The following DOCK5 variants were observed in gnomAD, a reference collection of about 807,000 sequenced individuals.
DOCK5 encodes the protein dedicator of cytokinesis protein 5.
A neutral mutation model predicts 251.8 loss-of-function variants in DOCK5; 142 were observed. That is an observed-to-expected ratio of 0.56 (90% CI 0.49 to 0.65). The LOEUF (loss-of-function observed/expected upper bound fraction) is 0.65. DOCK5 is among the 30% of genes least tolerant of loss of function. DOCK5 has a pLI of 0.00. For synonymous variants in DOCK5, 842 were observed against 835.5 expected (o/e 1.01, Z -0.13); for missense variants, 2,111 against 2,312.3 (o/e 0.91, Z 1.79).
Position 25,389,033 on chromosome 8 carries a change from C to G in DOCK5, c.4132-58C>G, listed in dbSNP as rs1052297029. On this transcript the variant is annotated intron_variant, in intron 40 of 51. Transcript: ENST00000276440. ...AGTGGCTACCTCAGTACCCGGAACT[C>G]CAGTTGCCTCTCCACTCTTCCTATG... 53 of 1,565,138 alleles carry G rather than the reference C, an allele frequency of 3.4e-5. No homozygotes were observed. In the African/African-American group the frequency reaches 5.4e-4, roughly 16 times the overall value.
chr8:25,280,464 T>C (rs1011023220), intron 5 of DOCK5, among the ~76,000 whole-genome samples: 1 of 152,250 alleles, frequency 6.6e-6, no homozygotes, highest in Non-Finnish European at 1.5e-5. Flanking sequence ...TCAGGGCTGT[T>C]GTTTCCCTTG....
At chr8:25,298,604 A>G (rs1375838105) in intron 7 of DOCK5, among the ~76,000 whole-genome samples, 1 of 152,148 alleles carries the variant, frequency 6.6e-6, no homozygotes, top group African/African-American at 2.4e-5. Flanking sequence ...TTATTGATTA[A>G]TCAACTGATT....
intron 2 of DOCK5, among the ~76,000 whole-genome samples, chr8:25,255,819 G>A (rs1388755359): frequency 6.6e-6 from 1 of 152,112 alleles, no homozygotes; most frequent in Admixed American, 6.5e-5. Context: ...GTTTTGCTGT[G>A]GACCTAAAAT....
intron 5 of DOCK5, among the ~76,000 whole-genome samples, chr8:25,291,108 G>GTCAAGATATGGAAGGA (rs1220142376): frequency 1.3e-5 from 2 of 152,160 alleles, no homozygotes. Context: ...GTGTGGAAGA[G>GTCAAGATATGGAAGGA]TCAAGATATG....
At chr8:25,407,235 T>G (rs1268376881) in intron 48 of DOCK5, among the ~76,000 whole-genome samples, 2 of 152,010 alleles carry the variant, frequency 1.3e-5, no homozygotes, top group Non-Finnish European at 2.9e-5. Flanking sequence ...AGATTCTAGA[T>G]TACTTCTAGA....
chr8:25,234,930 C>T (rs1057199704), intron 1 of DOCK5, among the ~76,000 whole-genome samples: 1 of 152,114 alleles, frequency 6.6e-6, no homozygotes, highest in Non-Finnish European at 1.5e-5. Context: ...TTTTCATTGA[C>T]CGACTCCCAC....
rs930419083 is a variant in DOCK5 at position 25,209,192 on chromosome 8, T to C, written c.43+24241T>C. The stretch of plus-strand genomic sequence containing the variant: ...CAGAGCACATTAGCGCCGTCATCCC[T>C]GTCTGATGTTCTCACCACACGCAAG... On this transcript the variant is annotated intron_variant, in intron 1 of 51. Transcript: ENST00000276440. 2.1e-4 allele frequency among the ~76,000 whole-genome samples: 4 copies of C among 18,650 alleles called. 2 individuals are homozygous for C. Among genetic ancestry groups the C allele is most frequent in the African/African-American group, 3.1e-4 (4 of 12,896 alleles). The allele number at this position is 18,650 out of a possible 152,430, so 12.2% of individuals were successfully genotyped here. A position where few individuals can be genotyped will look rare whatever the true frequency, so the allele number is the denominator to read the frequency against.
intron 35 of DOCK5, 108 bp downstream of exon 35, chr8:25,372,826 C>A (rs1187105825): frequency 9.0e-7 from 1 of 1,107,054 alleles, no homozygotes; most frequent in Non-Finnish European, 1.3e-6. Flanking sequence ...CCTGAGGCAC[C>A]TTTGTGGAGC....
intron 27 of DOCK5, among the ~76,000 whole-genome samples, chr8:25,356,379 T>C (rs1214958866): frequency 1.3e-5 from 2 of 151,860 alleles, no homozygotes; most frequent in African/African-American, 4.8e-5. Flanking sequence ...TAGTTAACAA[T>C]TTGGGGCTGG....
intron 20 of DOCK5, among the ~76,000 whole-genome samples, chr8:25,333,579 C>T (rs1805732251): frequency 6.6e-6 from 1 of 152,144 alleles, no homozygotes; most frequent in Non-Finnish European, 1.5e-5. Context: ...CTTCTGACCC[C>T]TCTGTCTTAA....
At chr8:25,380,813 T>C (rs560011906) in intron 39 of DOCK5, among the ~76,000 whole-genome samples, 7 of 151,810 alleles carry the variant, frequency 4.6e-5, no homozygotes, top group Admixed American at 2.6e-4. Flanking sequence ...GCCACCATTC[T>C]GAAAGCTCAG....
chr8:25,233,563 A>G (rs1802723467), intron 1 of DOCK5, among the ~76,000 whole-genome samples: 1 of 152,194 alleles, frequency 6.6e-6, no homozygotes, highest in Non-Finnish European at 1.5e-5. Context: ...GTTAGGTAAA[A>G]CACCAGCTCA....
chr8:25,358,824 A>G (rs1333829267), intron 27 of DOCK5, 139 bp from the exon 28 acceptor site: 2 of 714,744 alleles, frequency 2.8e-6, no homozygotes, highest in Admixed American at 2.3e-5. Flanking sequence ...GGACCTTTAG[A>G]ATGCAGCGTG....
chr8:25,374,744 G>A (rs781162977), intron 37 of DOCK5, 90 bp downstream of exon 37: 3 of 1,609,526 alleles, frequency 1.9e-6, no homozygotes, highest in Admixed American at 3.3e-5. Context: ...TGATGGGAAA[G>A]AACTTTATTC....
chr8:25,384,631 T>G (rs1428075242), intron 40 of DOCK5, among the ~76,000 whole-genome samples: 1 of 151,902 alleles, frequency 6.6e-6, no homozygotes, highest in East Asian at 2.0e-4. Context: ...AGCTAATTTT[T>G]TGTATTTTAG....
intron 22 of DOCK5, among the ~76,000 whole-genome samples, chr8:25,340,544 G>A (rs898264410): frequency 2.0e-5 from 3 of 152,216 alleles, no homozygotes; most frequent in African/African-American, 7.2e-5. Context: ...GAGACAAGTA[G>A]AGTACTTTAA....
chr8:25,304,648 T>C, intron 11 of DOCK5: 1 of 238,572 alleles, frequency 4.2e-6, no homozygotes, highest in Non-Finnish European at 8.0e-6. Flanking sequence ...TGCAGTCTAT[T>C]GCATGAAACA....
chr8:25,389,302 A>C (rs1412134203), intron 41 of DOCK5, 70 bp downstream of exon 41: 2 of 1,554,900 alleles, frequency 1.3e-6, no homozygotes, highest in Non-Finnish European at 1.8e-6. Context: ...AAGCCAGAGA[A>C]CATAGGAGCT....
chr8:25,197,897 C>T (rs1209419193), intron 1 of DOCK5, among the ~76,000 whole-genome samples: 2 of 151,942 alleles, frequency 1.3e-5, no homozygotes, highest in East Asian at 1.9e-4. Context: ...ACTACAGGTG[C>T]CCACCACCAT....
Sources: allele counts gnomAD v4.1 joint callset (sites outside exome capture counted in the v4.1 genomes callset), GRCh38; gene constraint gnomAD v4.1.1; transcripts MANE v1.5; gene names NCBI Gene and HGNC (gene_info 2026-07-23, HGNC 2026-07-21).